The following MPHOSPH9 variants were observed in gnomAD, a reference collection of about 807,000 sequenced individuals.
MPHOSPH9 encodes M-phase phosphoprotein 9.
Under a neutral mutation model 145.5 loss-of-function variants are expected in MPHOSPH9, and 88 were observed. That is an observed-to-expected ratio of 0.60 (90% CI 0.51 to 0.72). The LOEUF is 0.72. MPHOSPH9 is among the 30% of genes least tolerant of loss of function. MPHOSPH9 has a pLI of 0.00. For synonymous variants in MPHOSPH9, 435 were observed against 486.2 expected (o/e 0.89, Z 1.39); for missense variants, 1,238 against 1,386.6 (o/e 0.89, Z 1.70).
At chr12:123,173,661 C>T (rs928884560) in intron 16 of MPHOSPH9, among the ~76,000 whole-genome samples, 1 of 152,164 alleles carries the variant, frequency 6.6e-6, no homozygotes, top group Non-Finnish European at 1.5e-5. Flanking sequence ...GGACAGGGCT[C>T]CAGAGCTTCT....
chr12:123,207,687 C>T (rs2138417962), intron 8 of MPHOSPH9, among the ~76,000 whole-genome samples: 1 of 152,000 alleles, frequency 6.6e-6, no homozygotes, highest in South Asian at 2.1e-4. Flanking sequence ...AACCCTGTCT[C>T]TACACAAATA....
chr12:123,200,440 C>T (rs2046170484), intron 11 of MPHOSPH9, among the ~76,000 whole-genome samples: 1 of 152,078 alleles, frequency 6.6e-6, no homozygotes, highest in Non-Finnish European at 1.5e-5. Context: ...TATAATACAG[C>T]CATTTACTTA....
At chr12:123,205,275 G>A (rs1244291017) in intron 8 of MPHOSPH9, among the ~76,000 whole-genome samples, 2 of 152,302 alleles carry the variant, frequency 1.3e-5, no homozygotes, top group African/African-American at 4.8e-5. Flanking sequence ...ATATACTGTG[G>A]TGGCTCACGC....
intron 23 of MPHOSPH9, among the ~76,000 whole-genome samples, chr12:123,158,643 T>C (rs1203305537): frequency 1.3e-5 from 2 of 151,924 alleles, no homozygotes; most frequent in Non-Finnish European, 2.9e-5. Context: ...TCAATTTTTT[T>C]TTTTTTGAGA....
At chr12:123,200,501 G>A (rs531510616) in intron 11 of MPHOSPH9, among the ~76,000 whole-genome samples, 2 of 151,940 alleles carry the variant, frequency 1.3e-5, no homozygotes. Flanking sequence ...TGCCCTACAC[G>A]CTCAAACATC....
intron 1 of MPHOSPH9, among the ~76,000 whole-genome samples, chr12:123,231,986 C>T (rs888427852): frequency 6.7e-6 from 1 of 149,932 alleles, no homozygotes; most frequent in Non-Finnish European, 1.5e-5. Flanking sequence ...TAAAGCATTA[C>T]ACAAAAACAG....
At chr12:123,211,295 A>G (rs1176664640) in intron 7 of MPHOSPH9, among the ~76,000 whole-genome samples, 1 of 150,630 alleles carries the variant, frequency 6.6e-6, no homozygotes, top group African/African-American at 2.4e-5. Flanking sequence ...TAATTTTTGT[A>G]TTTTTAGTAG....
At chr12:123,166,352 C>T (rs974635553) in intron 17 of MPHOSPH9, 4 of 329,538 alleles carry the variant, frequency 1.2e-5, no homozygotes, top group African/African-American at 8.9e-5. Context: ...AGCGATCCTC[C>T]ACGTTGGCCT....
chr12:123,231,301 T>C (rs528904699), intron 1 of MPHOSPH9, among the ~76,000 whole-genome samples: 2 of 152,210 alleles, frequency 1.3e-5, no homozygotes, highest in Non-Finnish European at 2.9e-5. Flanking sequence ...ATAATTCTAT[T>C]ATGTAACAAT....
chr12:123,194,380 A>G lies in MPHOSPH9; in HGVS notation c.2241+6T>C. ...CGTCATTAAGTTACTATTATTCGCT[A>G]CTTACATCTTGAAACATTTTGTTCT... On this transcript the variant is annotated splice_donor_region_variant and intron_variant, in intron 13 of 23. Transcript: ENST00000606320. 6.4e-7 allele frequency: 1 copy of G among 1,557,054 alleles called. No homozygotes were observed. Among genetic ancestry groups the G allele is most frequent in the Non-Finnish European group, 8.8e-7 (1 of 1,142,546 alleles).
At chr12:123,171,119 T>C (rs1565905936) in intron 16 of MPHOSPH9, among the ~76,000 whole-genome samples, 1 of 152,228 alleles carries the variant, frequency 6.6e-6, no homozygotes, top group Non-Finnish European at 1.5e-5. Context: ...ATCTTCTGGA[T>C]ACTTTTCCTT....
intron 6 of MPHOSPH9, among the ~76,000 whole-genome samples, chr12:123,215,169 G>A (rs1017966217): frequency 6.6e-6 from 1 of 152,128 alleles, no homozygotes; most frequent in Non-Finnish European, 1.5e-5. Context: ...TTGAACCTGG[G>A]AGGCAGAGGT....
intron 7 of MPHOSPH9, among the ~76,000 whole-genome samples, chr12:123,210,706 AAATAAT>A (rs1286883372): frequency 6.6e-6 from 1 of 151,922 alleles, no homozygotes; most frequent in Admixed American, 6.6e-5. Flanking sequence ...AAAAAAATTA[AAATAAT>A]AATAATAAAA....
intron 1 of MPHOSPH9, among the ~76,000 whole-genome samples, chr12:123,241,926 C>T (rs920257664): frequency 6.6e-6 from 1 of 152,202 alleles, no homozygotes; most frequent in Non-Finnish European, 1.5e-5. Flanking sequence ...ACAGCAAGCT[C>T]TCCAGGAGGA....
At position 123,227,562 on chromosome 12, in the gene MPHOSPH9, T is replaced by A. The variant is rs1417605675; in HGVS notation, c.159A>T (p.Arg53Ser). Reference protein sequence around the residue: ...NGVSSFSGKTRPSVIQGTVEV... With the variant: ...NGVSSFSGKTSPSVIQGTVEV... Reference sequence around the variant, plus strand: ...CAACTGTACCTTGAATTACAGATGGTCTGGTCTTCCCTGAGAAAGAGGATA... The same window carrying A: ...CAACTGTACCTTGAATTACAGATGGACTGGTCTTCCCTGAGAAAGAGGATA... The change falls in exon 3 of 24, where the codon AGA becomes AGT. Residue 53 changes from arginine to serine, a missense_variant. By Grantham distance (110) the Arg-to-Ser change is moderately radical. Coordinates refer to ENST00000606320, the MANE Select transcript of MPHOSPH9 (RefSeq NM_022782.4). 8 of 1,533,178 alleles carry A rather than the reference T, an allele frequency of 5.2e-6. No individual in the cohort carries two copies. The highest frequency in any genetic ancestry group is 7.0e-6 in the Non-Finnish European group (8 of 1,145,014). 95.0% of individuals were successfully genotyped at this position (1,533,178 alleles called of 1,614,324 possible).
At chr12:123,176,227 A>C (rs2044857899) in intron 16 of MPHOSPH9, among the ~76,000 whole-genome samples, 1 of 152,212 alleles carries the variant, frequency 6.6e-6, no homozygotes, top group South Asian at 2.1e-4. Flanking sequence ...CAATGTTGAG[A>C]TTATAGCCAA....
chr12:123,178,098 C>A (rs981854046), intron 15 of MPHOSPH9, among the ~76,000 whole-genome samples: 1 of 151,308 alleles, frequency 6.6e-6, no homozygotes, highest in African/African-American at 2.4e-5. Context: ...CTGGAGTGCA[C>A]TGGCATGATC....
At position 123,221,571 on chromosome 12, in the gene MPHOSPH9, G is replaced by A; in HGVS notation, c.673C>T (p.Pro225Ser). Residue 225 changes from proline (P) to serine (S), a missense_variant, in exon 5 of 24, where the codon CCC becomes TCC. This residue lies in a region of MPHOSPH9 where 837 missense variants were observed against 897.5 expected (regional missense o/e 0.93). Transcript: ENST00000606320. ...PKEFMEHIDVPKGQYVAPAVP... is the reference protein window; with the variant it reads ...PKEFMEHIDVSKGQYVAPAVP... ...GCAGGTGCTACATACTGTCCTTTGG[G>A]AACATCTATGTGCTCCATGAACTCC... 1 of 1,614,118 alleles carries A rather than the reference G, an allele frequency of 6.2e-7. No individual in the cohort carries two copies. Among genetic ancestry groups the A allele is most frequent in the Non-Finnish European group, 8.5e-7 (1 of 1,179,994 alleles).
intron 12 of MPHOSPH9, among the ~76,000 whole-genome samples, chr12:123,194,950 A>G (rs2045879968): frequency 1.3e-5 from 2 of 152,154 alleles, no homozygotes; most frequent in African/African-American, 2.4e-5. Context: ...AAAAAAAAAG[A>G]TGCCTTAATA....
Sources: gnomAD v4.1 joint callset for allele counts (sites outside exome capture counted in the v4.1 genomes callset) on GRCh38, gnomAD v4.1.1 for gene constraint, gnomAD v4.1.1 regional missense constraint, MANE v1.5 for transcripts, NCBI Gene and HGNC (gene_info 2026-07-23, HGNC 2026-07-21) for gene names.